Variants in SUGCT observed in about 807,000 individuals in gnomAD.
The protein encoded by SUGCT is succinyl-CoA:glutarate-CoA transferase, also known as succinyl-CoA:glutarate CoA-transferase.
In SUGCT, 41 loss-of-function variants were observed where a neutral mutation model predicts 55.0. That is an observed-to-expected ratio of 0.74 (90% CI 0.58 to 0.97). The LOEUF (loss-of-function observed/expected upper bound fraction) is 0.97, where lower values mean the gene tolerates loss of function less well. SUGCT is among the 50% of genes least tolerant of loss of function. SUGCT has a pLI of 0.00. For missense variants in SUGCT, 568 were observed against 547.8 expected, an observed-to-expected ratio of 1.04 and a Z score of -0.37; for synonymous variants, 187 against 200.4, an observed-to-expected ratio of 0.93 and a Z score of 0.56.
chr7:40,480,962 C>T (rs999346371), intron 11 of SUGCT, among the ~76,000 whole-genome samples: 1 of 152,136 alleles, frequency 6.6e-6, no homozygotes, highest in African/African-American at 2.4e-5. Flanking sequence ...GCATATACTT[C>T]ATGTAGACAC....
At chr7:40,917,230 C>T in the SUGCT span, among the ~76,000 whole-genome samples, 3,317 of 152,280 alleles carry the variant, frequency 0.022, 114 homozygotes, top group African/African-American at 0.076. Flanking sequence ...TTCGACTCTT[C>T]TAATCATTAT....
chr7:40,920,689 C>G, the SUGCT span, among the ~76,000 whole-genome samples: 2 of 152,130 alleles, frequency 1.3e-5, 1 homozygote, highest in South Asian at 4.1e-4. Context: ...TGTTGATTGG[C>G]AGATCTTCTA....
chr7:40,998,867 C>G, the SUGCT span, among the ~76,000 whole-genome samples: 1 of 152,188 alleles, frequency 6.6e-6, no homozygotes, highest in African/African-American at 2.4e-5. Context: ...AGAATAGCTT[C>G]CAGTGATTCT....
chr7:40,619,333 G>A (rs1412154448), intron 12 of SUGCT, among the ~76,000 whole-genome samples: 1 of 152,060 alleles, frequency 6.6e-6, no homozygotes, highest in Non-Finnish European at 1.5e-5. Context: ...CCATCCTATA[G>A]TAGGCCAGTA....
chr7:40,888,703 G>A, the SUGCT span, among the ~76,000 whole-genome samples: 1 of 152,194 alleles, frequency 6.6e-6, no homozygotes, highest in Non-Finnish European at 1.5e-5. Context: ...GGGTGCACCT[G>A]CACTTGGGAG....
At chr7:40,676,894 C>T (rs1007429197) in intron 12 of SUGCT, among the ~76,000 whole-genome samples, 6 of 143,972 alleles carry the variant, frequency 4.2e-5, no homozygotes, top group East Asian at 2.1e-4. Context: ...TTCAGAATGA[C>T]GTGTGTGTGT....
intron 12 of SUGCT, among the ~76,000 whole-genome samples, chr7:40,507,330 T>TG: frequency 6.6e-6 from 1 of 152,308 alleles, no homozygotes; most frequent in East Asian, 1.9e-4. Context: ...TCTGCCACCT[T>TG]GGGGTAGGAG....
At chr7:40,300,755 G>A (rs1178958594) in intron 8 of SUGCT, among the ~76,000 whole-genome samples, 1 of 152,116 alleles carries the variant, frequency 6.6e-6, no homozygotes, top group African/African-American at 2.4e-5. Flanking sequence ...TGTGCCATGT[G>A]GTCTGTTGAT....
At chr7:40,764,548 C>T (rs992836913) in intron 13 of SUGCT, among the ~76,000 whole-genome samples, 2 of 151,638 alleles carry the variant, frequency 1.3e-5, no homozygotes, top group African/African-American at 2.4e-5. Flanking sequence ...TATATTAGTA[C>T]TGATGGAAAA....
chr7:40,499,713 C>T (rs1310652970), intron 12 of SUGCT, among the ~76,000 whole-genome samples: 5 of 152,072 alleles, frequency 3.3e-5, no homozygotes, highest in Non-Finnish European at 5.9e-5. Flanking sequence ...GTGGAAAGCT[C>T]TGTGCATTAT....
At chr7:40,515,591 TC>T (rs1793189649) in intron 12 of SUGCT, among the ~76,000 whole-genome samples, 1 of 152,258 alleles carries the variant, frequency 6.6e-6, no homozygotes, top group Non-Finnish European at 1.5e-5. Context: ...ATGAGTGTCT[TC>T]TTTGACTTAG....
chr7:40,568,078 A>G (rs922914695), intron 12 of SUGCT, among the ~76,000 whole-genome samples: 1 of 152,210 alleles, frequency 6.6e-6, no homozygotes, highest in Non-Finnish European at 1.5e-5. Flanking sequence ...TGATGACATC[A>G]TATCTGAGAA....
At chr7:40,467,526 A>G (rs903415656) in intron 11 of SUGCT, among the ~76,000 whole-genome samples, 3 of 152,214 alleles carry the variant, frequency 2.0e-5, no homozygotes, top group Admixed American at 2.0e-4. Flanking sequence ...GCTAGCAAAT[A>G]CTAGGTCTTA....
At chr7:40,999,347 A>G in the SUGCT span, among the ~76,000 whole-genome samples, 19 of 152,106 alleles carry the variant, frequency 1.2e-4, no homozygotes, top group Non-Finnish European at 2.8e-4. Context: ...TCAGTCTTTC[A>G]ATTCTTTCAT....
At chr7:40,458,946 G>C (rs960660901) in intron 10 of SUGCT, among the ~76,000 whole-genome samples, 155 bp from the exon 11 acceptor site, 5 of 152,066 alleles carry the variant, frequency 3.3e-5, no homozygotes, top group Non-Finnish European at 5.9e-5. Context: ...CATCCTAATC[G>C]TGTGCTTGTT....
intron 8 of SUGCT, among the ~76,000 whole-genome samples, chr7:40,297,123 C>G (rs1015183907): frequency 2.6e-5 from 4 of 152,064 alleles, no homozygotes; most frequent in African/African-American, 2.4e-5. Context: ...TTACCACTAC[C>G]TTAGTTTCTC....
chr7:40,568,099 G>A (rs1796246212), intron 12 of SUGCT, among the ~76,000 whole-genome samples: 1 of 152,162 alleles, frequency 6.6e-6, no homozygotes, highest in Non-Finnish European at 1.5e-5. Flanking sequence ...AGGATAAGTG[G>A]TAGAGGCAAG....
intron 7 of SUGCT, among the ~76,000 whole-genome samples, chr7:40,249,331 A>ATCTATATATATATATC (rs1562612120): frequency 8.6e-6 from 1 of 115,944 alleles, no homozygotes; most frequent in Non-Finnish European, 1.8e-5. Context: ...ATATATATAT[A>ATCTATATATATATATC]TATATATATA....
chr7:40,237,519 A>G (rs1307974548), intron 6 of SUGCT, 116 bp from the exon 7 acceptor site: 6 of 799,624 alleles, frequency 7.5e-6, no homozygotes, highest in Non-Finnish European at 1.3e-5. Flanking sequence ...GTATAGATCT[A>G]ATAGTCTCGA....
Sources: allele counts gnomAD v4.1 joint callset (sites outside exome capture counted in the v4.1 genomes callset), GRCh38; gene constraint gnomAD v4.1.1; transcripts MANE v1.5; gene names NCBI Gene and HGNC (gene_info 2026-07-23, HGNC 2026-07-21).